The following RPS6KC1 variants were observed in gnomAD, a reference collection of about 807,000 sequenced individuals.
RPS6KC1 encodes inactive ribosomal protein S6 kinase delta-1.
A neutral mutation model predicts 103.8 loss-of-function variants in RPS6KC1; 54 were observed. That is an observed-to-expected ratio of 0.52 (90% confidence interval 0.42 to 0.65). The LOEUF (loss-of-function observed/expected upper bound fraction) is 0.65, where lower values mean the gene tolerates loss of function less well. Ranked by LOEUF, RPS6KC1 falls within the 30% of genes least tolerant of loss-of-function variation. The pLI is 0.00. For missense variants in RPS6KC1, 1,151 were observed against 1,253.8 expected, an observed-to-expected ratio of 0.92 and a Z score of 1.24; for synonymous variants, 439 against 438.7, an observed-to-expected ratio of 1.00 and a Z score of -0.01.
At chr1:213,522,911 C>A in the RPS6KC1 span, among the ~76,000 whole-genome samples, 1 of 152,218 alleles carries the variant, frequency 6.6e-6, no homozygotes, top group African/African-American at 2.4e-5. Flanking sequence ...ACTGGAATGG[C>A]ACTTTTAATT....
chr1:213,695,972 T>C, the RPS6KC1 span, among the ~76,000 whole-genome samples: 4 of 152,346 alleles, frequency 2.6e-5, no homozygotes, highest in East Asian at 7.7e-4. Flanking sequence ...ATCCTTACTT[T>C]AGCCTTAAAG....
At chr1:213,801,118 G>C in the RPS6KC1 span, among the ~76,000 whole-genome samples, 1 of 152,124 alleles carries the variant, frequency 6.6e-6, no homozygotes, top group Non-Finnish European at 1.5e-5. Flanking sequence ...TCATCACCTG[G>C]CTTTTCTCTG....
chr1:213,381,342 T>C, the RPS6KC1 span, among the ~76,000 whole-genome samples: 351 of 152,216 alleles, frequency 2.3e-3, 1 homozygote, highest in South Asian at 6.6e-3. Flanking sequence ...CCTCTGTGCA[T>C]TGCTTTCCTC....
chr1:213,587,623 A>C, the RPS6KC1 span, among the ~76,000 whole-genome samples: 1 of 152,238 alleles, frequency 6.6e-6, no homozygotes, highest in Admixed American at 6.5e-5. Context: ...AAAGCAGCTG[A>C]GATTTTGATT....
intron 6 of RPS6KC1, among the ~76,000 whole-genome samples, chr1:213,157,917 G>A: frequency 6.6e-6 from 1 of 152,112 alleles, no homozygotes; most frequent in East Asian, 1.9e-4. Flanking sequence ...GTTATAAAAT[G>A]TCTATTATTG....
At chr1:213,608,548 G>A in the RPS6KC1 span, among the ~76,000 whole-genome samples, 10 of 152,002 alleles carry the variant, frequency 6.6e-5, no homozygotes, top group Non-Finnish European at 1.3e-4. Flanking sequence ...TCGCTTCCTC[G>A]TGGAAACATA....
chr1:213,547,779 C>T, the RPS6KC1 span, among the ~76,000 whole-genome samples: 1 of 152,286 alleles, frequency 6.6e-6, no homozygotes, highest in African/African-American at 2.4e-5. Flanking sequence ...CTTTACTTTC[C>T]ACCGTGAGTG....
the RPS6KC1 span, among the ~76,000 whole-genome samples, chr1:213,533,844 G>A: frequency 9.9e-5 from 15 of 152,228 alleles, no homozygotes; most frequent in South Asian, 2.3e-3. Flanking sequence ...CACTGCAAAG[G>A]GAGAAAACAG....
At chr1:213,702,851 T>TTTTTTTG in the RPS6KC1 span, among the ~76,000 whole-genome samples, 383 of 151,342 alleles carry the variant, frequency 2.5e-3, 1 homozygote, top group African/African-American at 9.0e-3. Flanking sequence ...TTGAGGTTTT[T>TTTTTTTG]TTTGTTTGTT....
At chr1:213,584,179 C>T in the RPS6KC1 span, among the ~76,000 whole-genome samples, 1 of 152,170 alleles carries the variant, frequency 6.6e-6, no homozygotes, top group African/African-American at 2.4e-5. Context: ...TGCTTTTCGC[C>T]TTCTGCCATG....
chr1:213,178,181 G>C (rs2092009351), intron 8 of RPS6KC1, among the ~76,000 whole-genome samples: 1 of 134,778 alleles, frequency 7.4e-6, no homozygotes, highest in Non-Finnish European at 1.6e-5. Context: ...GTGAGACTCT[G>C]TCTCAAAATA....
At chr1:213,183,637 GAC>G (rs1175947326) in intron 8 of RPS6KC1, among the ~76,000 whole-genome samples, 1 of 151,996 alleles carries the variant, frequency 6.6e-6, no homozygotes, top group Non-Finnish European at 1.5e-5. Context: ...GAATTTATGG[GAC>G]ACAGCTAAGC....
chr1:213,354,893 A>T, the RPS6KC1 span, among the ~76,000 whole-genome samples: 1 of 152,198 alleles, frequency 6.6e-6, no homozygotes, highest in African/African-American at 2.4e-5. Context: ...GAGGGGAAAA[A>T]TATTCAAACC....
Position 213,272,666 on chromosome 1 carries a change from ATCT to A in RPS6KC1, c.*36_*38del. 1 of 1,515,842 alleles carries A rather than the reference ATCT, an allele frequency of 6.6e-7. No homozygotes were observed. The highest frequency in any genetic ancestry group is 9.2e-7 in the Non-Finnish European group (1 of 1,090,996). The allele number at this position is 1,515,842 out of a possible 1,614,324, so 93.9% of individuals were successfully genotyped here. A position where few individuals can be genotyped will look rare whatever the true frequency, so the allele number is the denominator to read the frequency against. Reference sequence around the variant, plus strand: ...TGCAGGGTTATCTTCACACATTCTGATCTTCTCTGTGACAGGCATCTCCAGCAC... The same window carrying A: ...TGCAGGGTTATCTTCACACATTCTGATCTCTGTGACAGGCATCTCCAGCAC... On this transcript the variant is annotated 3_prime_UTR_variant, in exon 15 of 15. Transcript: ENST00000366960.
intron 1 of RPS6KC1, among the ~76,000 whole-genome samples, chr1:213,070,192 T>C (rs913183295): frequency 6.6e-6 from 1 of 152,250 alleles, no homozygotes; most frequent in Non-Finnish European, 1.5e-5. Flanking sequence ...TAGATTCATA[T>C]ACAGTTGTAA....
the RPS6KC1 span, among the ~76,000 whole-genome samples, chr1:213,693,988 G>A: frequency 6.6e-6 from 1 of 152,202 alleles, no homozygotes; most frequent in East Asian, 1.9e-4. Context: ...CTTCTGCCTT[G>A]AGGCAATTTG....
At chr1:213,428,408 TCCCTCCCTCCCTTCCTCTCCCC>T in the RPS6KC1 span, among the ~76,000 whole-genome samples, 1 of 60,654 alleles carries the variant, frequency 1.6e-5, no homozygotes, top group Non-Finnish European at 3.7e-5. Flanking sequence ...TCCACCTCCC[TCCCTCCCTCCCTTCCTCTCCCC>T]TCCCTCCCTC....
the RPS6KC1 span, among the ~76,000 whole-genome samples, chr1:213,444,045 T>G: frequency 6.6e-6 from 1 of 152,112 alleles, no homozygotes; most frequent in African/African-American, 2.4e-5. Flanking sequence ...GCCAGCAGGG[T>G]GGTTCCTTCT....
At chr1:213,841,992 C>T in the RPS6KC1 span, 1 of 152,230 alleles carries the variant, frequency 6.6e-6, no homozygotes, top group South Asian at 2.1e-4. Context: ...TTCTTCCCCC[C>T]ACTCTTTTAT....
Sources: gnomAD v4.1 joint callset for allele counts (sites outside exome capture counted in the v4.1 genomes callset) on GRCh38, gnomAD v4.1.1 for gene constraint, MANE v1.5 for transcripts, NCBI Gene and HGNC (gene_info 2026-07-23, HGNC 2026-07-21) for gene names.